Variants in TGIF1 observed in about 807,000 individuals in gnomAD.
TGIF1 encodes the protein TGFB induced factor homeobox 1.
In TGIF1, 4 loss-of-function variants were observed where a neutral mutation model predicts 19.3. That is an observed-to-expected ratio of 0.21 (90% CI 0.10 to 0.47). The LOEUF is 0.47. TGIF1 is among the 20% of genes least tolerant of loss of function. The pLI is 0.98. For missense variants in TGIF1, 275 were observed against 341.4 expected, an observed-to-expected ratio of 0.81 and a Z score of 1.53; for synonymous variants, 122 against 129.3, an observed-to-expected ratio of 0.94 and a Z score of 0.38.
At chr18:3,454,908 C>T (rs2083117752) in intron 1 of TGIF1, among the ~76,000 whole-genome samples, 1 of 152,090 alleles carries the variant, frequency 6.6e-6, no homozygotes, top group Non-Finnish European at 1.5e-5. Flanking sequence ...AAATGTGTCA[C>T]CAAGTCAGAG....
intron 1 of TGIF1, 116 bp downstream of exon 1, chr18:3,450,621 G>A: frequency 6.5e-7 from 1 of 1,538,024 alleles, no homozygotes; most frequent in Non-Finnish European, 8.8e-7. Flanking sequence ...CTCTCATGCT[G>A]GAGTGGCGGC....
intron 2 of TGIF1, among the ~76,000 whole-genome samples, chr18:3,427,587 G>A (rs949091095): frequency 6.6e-6 from 1 of 151,236 alleles, no homozygotes; most frequent in Non-Finnish European, 1.5e-5. Context: ...CACTGTGCCT[G>A]AGCCAGAATA....
At chr18:3,434,109 G>T (rs2082585530) in intron 2 of TGIF1, among the ~76,000 whole-genome samples, 1 of 152,184 alleles carries the variant, frequency 6.6e-6, no homozygotes, top group African/African-American at 2.4e-5. Context: ...ATAGCTATGG[G>T]CCAGGTGCGC....
rs2049460419 is a variant in TGIF1, at chr18:3,459,634, A to G, written c.*1694A>G. On this transcript the variant is annotated 3_prime_UTR_variant, in exon 3 of 3. Transcript: ENST00000343820. ...GATCAAAGGCTGAACATTTTGCTTTAGTATAGATGAGGGAAATGAGCAAGT... is the reference window on the plus strand; with the variant it reads ...GATCAAAGGCTGAACATTTTGCTTTGGTATAGATGAGGGAAATGAGCAAGT... The G allele has an allele frequency of 6.6e-6, 1 of 152,260 alleles. No homozygotes were observed. The highest frequency in any genetic ancestry group is 1.5e-5 in the Non-Finnish European group (1 of 68,048). The allele number at this position is 152,260 out of a possible 1,614,324, so 9.4% of individuals were successfully genotyped here.
intron 1 of TGIF1, among the ~76,000 whole-genome samples, chr18:3,413,869 C>T (rs1227334278): frequency 6.6e-6 from 1 of 152,120 alleles, no homozygotes; most frequent in Non-Finnish European, 1.5e-5. Flanking sequence ...ACAAAAAGTA[C>T]AGTTGTATCT....
At chr18:3,454,396 GA>G (rs1255835663) in intron 1 of TGIF1, among the ~76,000 whole-genome samples, 1 of 152,032 alleles carries the variant, frequency 6.6e-6, no homozygotes, top group Non-Finnish European at 1.5e-5. Context: ...AAAGGAAGGA[GA>G]TAATAGCCTT....
At chr18:3,444,286 C>CTTT (rs57205118) in intron 2 of TGIF1, among the ~76,000 whole-genome samples, 7 of 122,202 alleles carry the variant, frequency 5.7e-5, no homozygotes, top group Middle Eastern at 3.9e-3. Context: ...ACTTTCTTTT[C>CTTT]TTTTTTTTTT....
At chr18:3,447,868 C>T (rs376755203), upstream of TGIF1, 3 of 1,585,432 alleles carry the variant, frequency 1.9e-6, no homozygotes, top group Non-Finnish European at 2.6e-6. Flanking sequence ...GCCCCTCCCC[C>T]CTTCTCCTGG....
In TGIF1 at chr18:3,456,780, A is replaced by T; in HGVS notation, c.243+200A>T. On this transcript the variant is annotated intron_variant, in intron 2 of 2. Transcript: ENST00000343820. This position sits in a 1 kb window ranked among gnomAD's most constrained non-coding sequence, Gnocchi z 4.2. ...AACACTTGACAGTCATCTATCAGAT[A>T]GCATTTCCTTTAATGCCTAAAAGAA... is the stretch of plus-strand genomic sequence containing the variant. 1 of 683,154 alleles carries T rather than the reference A, an allele frequency of 1.5e-6. No individual in the cohort carries two copies. The highest frequency in any genetic ancestry group is 2.6e-6 in the Non-Finnish European group (1 of 379,994). 42.3% of individuals were successfully genotyped at this position (683,154 alleles called of 1,614,324 possible). A position where few individuals can be genotyped will look rare whatever the true frequency, so the allele number is the denominator to read the frequency against.
chr18:3,427,247 G>T (rs1328745504), intron 2 of TGIF1, among the ~76,000 whole-genome samples: 2 of 149,796 alleles, frequency 1.3e-5, no homozygotes, highest in African/African-American at 4.9e-5. Flanking sequence ...CCCAGCCAAT[G>T]ATCTCTATAA....
At chr18:3,413,448 T>C (rs2082294623) in intron 1 of TGIF1, among the ~76,000 whole-genome samples, 2 of 152,250 alleles carry the variant, frequency 1.3e-5, no homozygotes, top group Non-Finnish European at 2.9e-5. Flanking sequence ...ATCTTTATAA[T>C]ATTGAAACTT....
chr18:3,448,719 T>A, upstream of TGIF1: 196 of 63,032 alleles, frequency 3.1e-3, no homozygotes, highest in Middle Eastern at 7.7e-3. Flanking sequence ...GGGGGTGTCT[T>A]TTTTTTTTTT....
At chr18:3,426,873 A>G (rs2082476269) in intron 2 of TGIF1, among the ~76,000 whole-genome samples, 1 of 151,630 alleles carries the variant, frequency 6.6e-6, no homozygotes, top group Non-Finnish European at 1.5e-5. Flanking sequence ...ACAGCCAAGC[A>G]GTGGGGTACT....
intron 2 of TGIF1, among the ~76,000 whole-genome samples, chr18:3,431,552 A>T (rs917162526): frequency 6.6e-6 from 1 of 152,204 alleles, no homozygotes; most frequent in Non-Finnish European, 1.5e-5. Flanking sequence ...ATCCATACTG[A>T]TACAAATAAG....
In TGIF1 at chr18:3,450,440, T is replaced by G. The variant is rs1349304673; in HGVS notation, c.-50T>G. ...CGCTTATCCCCTGTGTCCCCGCTCCTGGCCCCTCCAGACCCCCGCCTTGCC... is the reference window on the plus strand; with the variant it reads ...CGCTTATCCCCTGTGTCCCCGCTCCGGGCCCCTCCAGACCCCCGCCTTGCC... On this transcript the variant is annotated 5_prime_UTR_variant, in exon 1 of 3. Coordinates refer to ENST00000343820, the MANE Select transcript of TGIF1 (RefSeq NM_003244.4). 1.9e-6 allele frequency: 3 copies of G among 1,552,412 alleles called. No individual in the cohort carries two copies. The highest frequency in any genetic ancestry group is 4.9e-5 in the East Asian group (2 of 40,976).
intron 2 of TGIF1, among the ~76,000 whole-genome samples, chr18:3,431,637 G>A (rs1007056818): frequency 1.3e-5 from 2 of 152,070 alleles, no homozygotes; most frequent in Non-Finnish European, 2.9e-5. Flanking sequence ...AGAAACGATG[G>A]ATGATAAAAC....
chr18:3,427,360 C>A (rs534890313), intron 2 of TGIF1, among the ~76,000 whole-genome samples: 2 of 151,408 alleles, frequency 1.3e-5, no homozygotes, highest in Admixed American at 6.6e-5. Flanking sequence ...GGCACAATTT[C>A]GGGACACTGC....
upstream of TGIF1, chr18:3,447,663 T>C: frequency 2.6e-6 from 4 of 1,567,034 alleles, no homozygotes; most frequent in Non-Finnish European, 3.5e-6. Context: ...GGTTGGGCTG[T>C]AAGCTTTCGC....
chr18:3,454,124 G>A (rs1393118184), intron 1 of TGIF1, among the ~76,000 whole-genome samples: 1 of 152,192 alleles, frequency 6.6e-6, no homozygotes, highest in East Asian at 1.9e-4. Flanking sequence ...TTTGTTAAGA[G>A]TTCCAGAGGT....
Sources: gnomAD v4.1 joint callset for allele counts (sites outside exome capture counted in the v4.1 genomes callset) on GRCh38, gnomAD v4.1.1 for gene constraint, Gnocchi (gnomAD v3.1) non-coding constraint, MANE v1.5 for transcripts, NCBI Gene and HGNC (gene_info 2026-07-23, HGNC 2026-07-21) for gene names.